TNS3: variants seen among roughly 807,000 people sequenced by gnomAD.
TNS3 encodes tensin-3.
Under a neutral mutation model 140.9 loss-of-function variants are expected in TNS3, and 45 were observed. That is an observed-to-expected ratio of 0.32 (90% CI 0.25 to 0.41). The LOEUF (loss-of-function observed/expected upper bound fraction) is 0.41. Ranked by LOEUF, TNS3 falls within the 10% of genes least tolerant of loss-of-function variation. The probability of loss-of-function intolerance (pLI) is 1.00; values close to 1 mark genes in which losing one functional copy is unlikely to be tolerated. For synonymous variants in TNS3, 815 were observed against 788.4 expected (o/e 1.03, Z -0.56); for missense variants, 1,716 against 1,906.7 (o/e 0.90, Z 1.86).
In TNS3 at chr7:47,345,779, G is replaced by A. The variant is rs535686408; in HGVS notation, c.2451+408C>T. On this transcript the variant is annotated intron_variant, in intron 18 of 30. Transcript: ENST00000311160. Reference sequence around the variant, plus strand: ...ATGACCCTGAAGGAAGGCTGTGTGTGCCACTGGCTGCTGCTGTCGGGCTAT... The same window carrying A: ...ATGACCCTGAAGGAAGGCTGTGTGTACCACTGGCTGCTGCTGTCGGGCTAT... Among the ~76,000 whole-genome samples, 161 of 152,334 alleles carry A rather than the reference G, an allele frequency of 1.1e-3. 1 individual carries two copies. Among genetic ancestry groups the A allele is most frequent in the African/African-American group, 3.7e-3 (152 of 41,580 alleles).
At chr7:47,292,718 A>C in intron 26 of TNS3, 110 bp downstream of exon 26, 2 of 988,196 alleles carry the variant, frequency 2.0e-6, no homozygotes, top group African/African-American at 1.6e-5. Context: ...AATACGAAAA[A>C]ACTTCCAGTC....
At chr7:47,411,569 G>C (rs1156334920) in intron 13 of TNS3, among the ~76,000 whole-genome samples, 158 bp downstream of exon 13, 1 of 152,206 alleles carries the variant, frequency 6.6e-6, no homozygotes, top group African/African-American at 2.4e-5. Flanking sequence ...CAGGCGTGGG[G>C]GACCCCAGTG....
chr7:47,325,397 C>T (rs1165021658), intron 20 of TNS3, among the ~76,000 whole-genome samples: 1 of 152,208 alleles, frequency 6.6e-6, no homozygotes, highest in East Asian at 1.9e-4. Flanking sequence ...ACCCAGCTAT[C>T]CATTCTACCT....
At position 47,276,243 on chromosome 7, in the gene TNS3, G is replaced by A. The variant is rs1784863439; in HGVS notation, c.*1833C>T. 1 of 192,594 alleles carries A rather than the reference G, an allele frequency of 5.2e-6. No homozygotes were observed. The highest frequency in any genetic ancestry group is 2.4e-5 in the African/African-American group (1 of 42,476). 11.9% of individuals were successfully genotyped at this position (192,594 alleles called of 1,614,324 possible). On this transcript the variant is annotated 3_prime_UTR_variant, in exon 31 of 31. Coordinates refer to ENST00000311160, the MANE Select transcript of TNS3 (RefSeq NM_022748.12). ...AGGCAAACATTTGGCACAGAAATGA[G>A]GCACTTGGTTTGGTGCATCAATAGG...
chr7:47,569,346 C>T (rs1039096147), intron 1 of TNS3, among the ~76,000 whole-genome samples: 7 of 151,762 alleles, frequency 4.6e-5, no homozygotes, highest in African/African-American at 1.5e-4. Flanking sequence ...AGTTCCAGAC[C>T]GGCCTGGCCA....
intron 3 of TNS3, among the ~76,000 whole-genome samples, chr7:47,487,015 G>C (rs571598692): frequency 1.3e-5 from 2 of 152,156 alleles, no homozygotes; most frequent in South Asian, 4.1e-4. Context: ...GGACTGAAGA[G>C]AGGCCGGGCG....
At chr7:47,455,863 G>A (rs1234006259) in intron 4 of TNS3, among the ~76,000 whole-genome samples, 3 of 152,220 alleles carry the variant, frequency 2.0e-5, no homozygotes, top group Non-Finnish European at 2.9e-5. Flanking sequence ...AGGTGGGGCA[G>A]GAGGAGCAAA....
chr7:47,554,770 C>T (rs1479239483), intron 1 of TNS3, among the ~76,000 whole-genome samples: 1 of 152,190 alleles, frequency 6.6e-6, no homozygotes, highest in African/African-American at 2.4e-5. Context: ...GTGGTTCACA[C>T]CTGTAATCCC....
intron 10 of TNS3, among the ~76,000 whole-genome samples, chr7:47,419,458 C>A (rs1028369577): frequency 6.6e-6 from 1 of 152,228 alleles, no homozygotes; most frequent in African/African-American, 2.4e-5. Flanking sequence ...TGCCTTTAAC[C>A]TCCTAGCTGC....
At chr7:47,337,038 G>A (rs1440538864) in intron 20 of TNS3, among the ~76,000 whole-genome samples, 7 of 151,692 alleles carry the variant, frequency 4.6e-5, no homozygotes, top group East Asian at 1.9e-4. Context: ...CCCTTGACAC[G>A]TCATCAAGCT....
At chr7:47,344,391 G>A (rs1265265894) in intron 20 of TNS3, among the ~76,000 whole-genome samples, 1 of 42,776 alleles carries the variant, frequency 2.3e-5, no homozygotes, top group African/African-American at 6.1e-5. Flanking sequence ...TGGCAGAGCT[G>A]GGGCGCCCGT....
intron 3 of TNS3, among the ~76,000 whole-genome samples, chr7:47,493,315 G>A (rs1797881465): frequency 6.6e-6 from 1 of 152,188 alleles, no homozygotes; most frequent in African/African-American, 2.4e-5. Flanking sequence ...GGGGCACTCG[G>A]AGATGAGAAA....
At chr7:47,533,276 C>T (rs1440121755) in intron 1 of TNS3, among the ~76,000 whole-genome samples, 1 of 150,540 alleles carries the variant, frequency 6.6e-6, no homozygotes, top group Non-Finnish European at 1.5e-5. Flanking sequence ...GGATTACAGG[C>T]ACCCGCCACC....
intron 16 of TNS3, among the ~76,000 whole-genome samples, chr7:47,385,396 A>C (rs545611534): frequency 5.3e-5 from 8 of 152,318 alleles, no homozygotes; most frequent in Admixed American, 1.3e-4. Flanking sequence ...TGACAACAAC[A>C]ACCATTAGCC....
intron 3 of TNS3, among the ~76,000 whole-genome samples, chr7:47,488,474 G>A (rs561378870): frequency 1.6e-4 from 24 of 152,250 alleles, no homozygotes; most frequent in African/African-American, 5.3e-4. Context: ...TCTCTCCCGG[G>A]CCTGCAGATG....
rs542632027 is a variant in TNS3 at position 47,554,190 on chromosome 7, G to T, written c.-264-25043C>A. Among the ~76,000 whole-genome samples the T allele has an allele frequency of 4.6e-5, 7 of 150,848 alleles. No homozygotes were observed. In the East Asian group the frequency reaches 1.0e-3, roughly 22 times the overall value. ...TCCCAGCACTTTGGGAGGCCAAGACGGGTAGATCACCTGAGGTCAGGAGTT... is the reference window on the plus strand; with the variant it reads ...TCCCAGCACTTTGGGAGGCCAAGACTGGTAGATCACCTGAGGTCAGGAGTT... On this transcript the variant is annotated intron_variant, in intron 1 of 30. Transcript: ENST00000311160.
intron 3 of TNS3, among the ~76,000 whole-genome samples, chr7:47,485,976 G>A (rs1395270571): frequency 6.6e-6 from 1 of 151,920 alleles, no homozygotes; most frequent in Non-Finnish European, 1.5e-5. Context: ...GTGTGTGAAT[G>A]TGGGTGAGTG....
intron 1 of TNS3, among the ~76,000 whole-genome samples, chr7:47,568,176 C>G (rs545444113): frequency 7.2e-5 from 11 of 152,296 alleles, no homozygotes; most frequent in African/African-American, 2.2e-4. Context: ...AAACACTAAG[C>G]CTTGGACTCC....
chr7:47,559,580 G>A (rs1001257600), intron 1 of TNS3, among the ~76,000 whole-genome samples: 1 of 152,066 alleles, frequency 6.6e-6, no homozygotes, highest in African/African-American at 2.4e-5. Context: ...CAAGAGGCAG[G>A]GATGGGGGCT....
Sources: gnomAD v4.1 joint callset for allele counts (sites outside exome capture counted in the v4.1 genomes callset) on GRCh38, gnomAD v4.1.1 for gene constraint, MANE v1.5 for transcripts, NCBI Gene and HGNC (gene_info 2026-07-23, HGNC 2026-07-21) for gene names.